The following COL4A1 variants were observed in gnomAD, a reference collection of about 807,000 sequenced individuals.
COL4A1 encodes collagen alpha-1(IV) chain.
A neutral mutation model predicts 216.6 loss-of-function variants in COL4A1; 40 were observed. That is an observed-to-expected ratio of 0.18 (90% CI 0.14 to 0.24). The LOEUF (loss-of-function observed/expected upper bound fraction) is 0.24. Among genes scored for constraint, COL4A1 ranks in the 10% least tolerant of loss-of-function variants. The pLI, the probability that COL4A1 is intolerant of heterozygous loss-of-function variation, is 1.00. For synonymous variants in COL4A1, 839 were observed against 810.7 expected (o/e 1.03, Z -0.59); for missense variants, 1,628 against 2,196.8 (o/e 0.74, Z 5.18).
chr13:110,170,681 G>C lies in COL4A1; in HGVS notation c.3608C>G (p.Pro1203Arg). Residue 1203 changes from proline to arginine, a missense_variant, in exon 42 of 52, where the codon CCT (proline) becomes CGT (arginine). Physicochemically the swap from Pro to Arg is moderately radical, Grantham distance 103. Transcript: ENST00000375820. ...GAATCCTTGCTCTCCTTTGGATCCA[G>C]GAATTCCTGGGCTCCCGGCTAATCC... ...FPGLAGSPGIPGSKGEQGFMG... is the reference protein window; with the variant it reads ...FPGLAGSPGIRGSKGEQGFMG... 3.7e-6 allele frequency: 6 copies of C among 1,614,202 alleles called. No homozygotes were observed. Among genetic ancestry groups the C allele is most frequent in the Non-Finnish European group, 4.2e-6 (5 of 1,180,048 alleles).
At chr13:110,246,426 TA>T (rs1881816478) in intron 1 of COL4A1, among the ~76,000 whole-genome samples, 1 of 7,446 alleles carries the variant, frequency 1.3e-4, no homozygotes, top group African/African-American at 3.0e-4. Flanking sequence ...TGAATTAAAA[TA>T]AAAGTCAGGT....
At chr13:110,254,702 C>T (rs570947929) in intron 1 of COL4A1, among the ~76,000 whole-genome samples, 156 of 152,204 alleles carry the variant, frequency 1.0e-3, no homozygotes, top group African/African-American at 3.0e-3. Flanking sequence ...CCCAGAATAG[C>T]GACATCACTA....
intron 1 of COL4A1, among the ~76,000 whole-genome samples, chr13:110,260,061 G>C (rs539401881): frequency 1.3e-5 from 2 of 152,174 alleles, no homozygotes; most frequent in Admixed American, 1.3e-4. Context: ...CTTCTATCTC[G>C]TGCCATCTCT....
intron 29 of COL4A1, among the ~76,000 whole-genome samples, 173 bp downstream of exon 29, chr13:110,181,119 A>G (rs1382179932): frequency 1.3e-5 from 2 of 152,336 alleles, no homozygotes; most frequent in East Asian, 3.9e-4. Flanking sequence ...TCCCTTCAAA[A>G]TACTTACTTC....
At position 110,259,871 on chromosome 13, in the gene COL4A1, C is replaced by G. The variant is rs1286243703; in HGVS notation, c.85-17137G>C. Among the ~76,000 whole-genome samples the G allele has an allele frequency of 3.3e-5, 5 of 152,110 alleles. No individual in the cohort carries two copies. In the South Asian group the frequency reaches 1.0e-3, roughly 32 times the overall value. ...TTGAATCTGTAGGTGGACTAGTCGG[C>G]TGACATGCATGGCATAGTAGGGCCA... On this transcript the variant is annotated intron_variant, in intron 1 of 51. Transcript: ENST00000375820.
chr13:110,306,394 G>A (rs1594133122), intron 1 of COL4A1, among the ~76,000 whole-genome samples: 1 of 152,256 alleles, frequency 6.6e-6, no homozygotes, highest in East Asian at 1.9e-4. Flanking sequence ...TTAGGCAGCA[G>A]TCGTGGGAAA....
chr13:110,275,970 T>C (rs1307654018), intron 1 of COL4A1, among the ~76,000 whole-genome samples: 1 of 152,118 alleles, frequency 6.6e-6, no homozygotes, highest in Admixed American at 6.6e-5. Flanking sequence ...AACTCTATGT[T>C]ATACTATAAT....
intron 1 of COL4A1, among the ~76,000 whole-genome samples, chr13:110,258,880 T>C (rs1412794239): frequency 2.0e-5 from 3 of 152,252 alleles, no homozygotes; most frequent in Non-Finnish European, 2.9e-5. Context: ...ATGTCTTTCA[T>C]TGCATTTCAT....
chr13:110,253,753 TATAATTATA>T, intron 1 of COL4A1, among the ~76,000 whole-genome samples: 1 of 90,500 alleles, frequency 1.1e-5, no homozygotes, highest in South Asian at 3.4e-4. Context: ...TACATATACA[TATAATTATA>T]CGTATGTATG....
intron 1 of COL4A1, among the ~76,000 whole-genome samples, chr13:110,246,545 G>C (rs1262677917): frequency 6.6e-6 from 1 of 152,168 alleles, no homozygotes; most frequent in Non-Finnish European, 1.5e-5. Flanking sequence ...CATGTGAAAA[G>C]CTATGTCACC....
intron 1 of COL4A1, among the ~76,000 whole-genome samples, chr13:110,254,120 A>G (rs557649617): frequency 9.8e-5 from 15 of 152,308 alleles, no homozygotes; most frequent in Admixed American, 8.5e-4. Context: ...AACTGGGTCT[A>G]GGTTTGAAAC....
chr13:110,172,328 C>G (rs1877684356), intron 41 of COL4A1, among the ~76,000 whole-genome samples: 1 of 152,218 alleles, frequency 6.6e-6, no homozygotes, highest in Non-Finnish European at 1.5e-5. Context: ...CGTGGCTGCG[C>G]AGGGCATGTT....
chr13:110,187,058 A>G, intron 25 of COL4A1, 80 bp downstream of exon 25: 2 of 1,522,174 alleles, frequency 1.3e-6, no homozygotes, highest in Non-Finnish European at 9.1e-7. Context: ...ATACATCAAT[A>G]TGATTCAAAT....
chr13:110,265,562 T>C (rs1298515071), intron 1 of COL4A1: 1 of 152,224 alleles, frequency 6.6e-6, no homozygotes, highest in African/African-American at 2.4e-5. Flanking sequence ...GAGCTGATTC[T>C]GGTGACAAGG....
intron 1 of COL4A1, among the ~76,000 whole-genome samples, chr13:110,249,708 CTT>C (rs1007480700): frequency 2.6e-5 from 4 of 152,134 alleles, no homozygotes; most frequent in African/African-American, 9.7e-5. Flanking sequence ...TACCCTTCGC[CTT>C]TGATATGTTT....
intron 1 of COL4A1, among the ~76,000 whole-genome samples, chr13:110,279,855 G>A (rs1031130008): frequency 4.6e-5 from 7 of 152,240 alleles, no homozygotes; most frequent in Non-Finnish European, 1.0e-4. Flanking sequence ...TGTCTCCCGT[G>A]GGCCTGCATC....
At chr13:110,229,689 C>T (rs573797674) in intron 2 of COL4A1, among the ~76,000 whole-genome samples, 2 of 152,292 alleles carry the variant, frequency 1.3e-5, no homozygotes, top group East Asian at 1.9e-4. Flanking sequence ...CCTCGCGCTG[C>T]CTATGAAGAA....
intron 29 of COL4A1, among the ~76,000 whole-genome samples, chr13:110,180,465 A>C (rs2139166667): frequency 6.6e-6 from 1 of 152,310 alleles, no homozygotes; most frequent in African/African-American, 2.4e-5. Context: ...TGTGGTGCCC[A>C]TCTGCCCTCT....
chr13:110,203,533 T>G (rs1219672622), intron 18 of COL4A1, 33 bp downstream of exon 18: 1 of 1,612,858 alleles, frequency 6.2e-7, no homozygotes, highest in East Asian at 2.2e-5. Flanking sequence ...CCCCCAGCGC[T>G]CTCACAGACC....
Sources: gnomAD v4.1 joint callset for allele counts (sites outside exome capture counted in the v4.1 genomes callset) on GRCh38, gnomAD v4.1.1 for gene constraint, MANE v1.5 for transcripts, NCBI Gene and HGNC (gene_info 2026-07-23, HGNC 2026-07-21) for gene names.